The following WAC variants were observed in gnomAD, a reference collection of about 807,000 sequenced individuals.
WAC encodes WW domain containing adaptor with coiled-coil, also known as WW domain-containing adapter protein with coiled-coil.
WAC carries 11 observed loss-of-function variants against 79.6 expected under a neutral mutation model. That is an observed-to-expected ratio of 0.14 (90% CI 0.09 to 0.23). The LOEUF (loss-of-function observed/expected upper bound fraction) is 0.23, where lower values mean the gene tolerates loss of function less well. Among genes scored for constraint, WAC ranks in the 10% least tolerant of loss-of-function variants. WAC has a pLI of 1.00. For synonymous variants in WAC, 304 were observed against 276.9 expected (o/e 1.10, Z -0.97); for missense variants, 728 against 773.5 (o/e 0.94, Z 0.70).
At chr10:28,536,435 A>G (rs1836680034) in intron 3 of WAC, among the ~76,000 whole-genome samples, 1 of 152,196 alleles carries the variant, frequency 6.6e-6, no homozygotes, top group South Asian at 2.1e-4. Flanking sequence ...TAAGGTGTTC[A>G]AATCTGTTTT....
At chr10:28,574,407 C>G (rs1475986137) in intron 3 of WAC, among the ~76,000 whole-genome samples, 2 of 152,036 alleles carry the variant, frequency 1.3e-5, no homozygotes, top group African/African-American at 2.4e-5. Flanking sequence ...CTTGGCTGCC[C>G]AAAGTGCTGA....
In WAC at chr10:28,564,402, A is replaced by G. The variant is rs1250706222; in HGVS notation, c.275-18997A>G. ...ATGCTGACTGAAGTCATAGAGATGG[A>G]AGAAGAGAAGACAGAGAAGGCCATG... On this transcript the variant is annotated intron_variant, in intron 3 of 13. Coordinates refer to ENST00000354911, the MANE Select transcript of WAC (RefSeq NM_016628.5). Among the ~76,000 whole-genome samples the G allele has an allele frequency of 3.3e-5, 5 of 152,352 alleles. No individual in the cohort carries two copies. The East Asian group carries it at 9.6e-4, about 29-fold the overall frequency.
At chr10:28,600,226 A>C (rs1840572742) in intron 7 of WAC, among the ~76,000 whole-genome samples, 1 of 129,228 alleles carries the variant, frequency 7.7e-6, no homozygotes, top group South Asian at 2.8e-4. Flanking sequence ...AAATAATCAC[A>C]TACTCACATG....
chr10:28,571,424 G>A (rs191970054), intron 3 of WAC, among the ~76,000 whole-genome samples: 143 of 152,188 alleles, frequency 9.4e-4, no homozygotes, highest in African/African-American at 3.3e-3. Flanking sequence ...CTGTTACATC[G>A]CAGGTACAGT....
chr10:28,604,358 C>G (rs1417381158), intron 7 of WAC, among the ~76,000 whole-genome samples: 6 of 151,702 alleles, frequency 4.0e-5, no homozygotes, highest in African/African-American at 1.5e-4. Context: ...AGAATGCTGT[C>G]ATTAACTGGC....
intron 3 of WAC, among the ~76,000 whole-genome samples, chr10:28,552,018 G>T (rs931115421): frequency 6.6e-6 from 1 of 152,024 alleles, no homozygotes; most frequent in African/African-American, 2.4e-5. Context: ...GTAGAGACAG[G>T]GTTTCGCTGG....
At chr10:28,574,757 T>A (rs1290034625) in intron 3 of WAC, among the ~76,000 whole-genome samples, 1 of 152,204 alleles carries the variant, frequency 6.6e-6, no homozygotes, top group Non-Finnish European at 1.5e-5. Context: ...AATAATGCAT[T>A]ATGAATATTC....
chr10:28,573,178 A>G (rs1172901512), intron 3 of WAC, among the ~76,000 whole-genome samples: 2 of 151,806 alleles, frequency 1.3e-5, no homozygotes, highest in East Asian at 1.9e-4. Context: ...ATCTCTCCCT[A>G]TATTTCCCTA....
At chr10:28,547,508 C>G (rs1209428742) in intron 3 of WAC, among the ~76,000 whole-genome samples, 1 of 151,082 alleles carries the variant, frequency 6.6e-6, no homozygotes, top group Non-Finnish European at 1.5e-5. Context: ...GCACTCCAGC[C>G]TGGGCAACAA....
At chr10:28,581,238 CTTT>C (rs71391053) in intron 3 of WAC, among the ~76,000 whole-genome samples, 4 of 66,118 alleles carry the variant, frequency 6.0e-5, no homozygotes, top group Non-Finnish European at 1.1e-4. Flanking sequence ...ATGAGCGATT[CTTT>C]TTTTTTTTTT....
intron 3 of WAC, among the ~76,000 whole-genome samples, chr10:28,549,569 T>C (rs1450644644): frequency 1.3e-5 from 2 of 152,208 alleles, no homozygotes; most frequent in Non-Finnish European, 2.9e-5. Flanking sequence ...TATTGCAATA[T>C]CTTGTTTACA....
intron 4 of WAC, among the ~76,000 whole-genome samples, chr10:28,586,254 T>A (rs986820416): frequency 3.3e-5 from 5 of 152,186 alleles, no homozygotes; most frequent in Admixed American, 3.3e-4. Context: ...AGTATCAGAT[T>A]AAGGCGTTAA....
chr10:28,622,207 A>G lies in WAC; in HGVS notation c.*2601A>G, dbSNP rs1195830890. 1 of 152,134 alleles carries G rather than the reference A, an allele frequency of 6.6e-6. No homozygotes were observed. The highest frequency in any genetic ancestry group is 2.4e-5 in the African/African-American group (1 of 41,418). The allele number at this position is 152,134 out of a possible 1,614,324, so 9.4% of individuals were successfully genotyped here. A position where few individuals can be genotyped will look rare whatever the true frequency, so the allele number is the denominator to read the frequency against. On this transcript the variant is annotated 3_prime_UTR_variant, in exon 14 of 14. Transcript: ENST00000354911. ...TGAATTTTTAAACACAGAAAATCTA[A>G]AATTTTGTGGAAATATTTTAAATAT...
intron 6 of WAC, among the ~76,000 whole-genome samples, chr10:28,593,480 A>C (rs1350934565): frequency 6.6e-6 from 1 of 152,138 alleles, no homozygotes; most frequent in Non-Finnish European, 1.5e-5. Context: ...AAAATATTTT[A>C]ACAAAGGCCA....
At chr10:28,601,790 G>A (rs1352685018) in intron 7 of WAC, among the ~76,000 whole-genome samples, 2 of 152,120 alleles carry the variant, frequency 1.3e-5, no homozygotes, top group Non-Finnish European at 2.9e-5. Context: ...AATAAGCCAG[G>A]AGCAGGACAC....
chr10:28,619,738 G>T lies in WAC; in HGVS notation c.*132G>T. On this transcript the variant is annotated 3_prime_UTR_variant, in exon 14 of 14. Coordinates refer to ENST00000354911, the MANE Select transcript of WAC (RefSeq NM_016628.5). Reference sequence around the variant, plus strand: ...GCAAAGGAAATGACAAGGGGACGGGGTCTGTGAGAGTCAATTCAGGGGAAA... The same window carrying T: ...GCAAAGGAAATGACAAGGGGACGGGTTCTGTGAGAGTCAATTCAGGGGAAA... 1.7e-6 allele frequency: 1 copy of T among 603,030 alleles called. No homozygotes were observed. Among genetic ancestry groups the T allele is most frequent in the Non-Finnish European group, 2.8e-6 (1 of 360,970 alleles). The allele number at this position is 603,030 out of a possible 1,614,324, so 37.4% of individuals were successfully genotyped here.
Position 28,616,247 on chromosome 10 carries a change from C to T in WAC, c.1631C>T (p.Pro544Leu). 6.2e-7 allele frequency: 1 copy of T among 1,613,934 alleles called. No individual in the cohort carries two copies. Among genetic ancestry groups the T allele is most frequent in the East Asian group, 2.2e-5 (1 of 44,866 alleles). ...SSNASNATVV[P>L]QNSSARSTCS... ...AATGCATCAAATGCAACAGTTGTAC[C>T]ACAGAATTCTTCTGCCCGATCCACG... Residue 544 changes from proline (P) to leucine (L), a missense_variant, in exon 12 of 14, where the codon CCA (proline) becomes CTA (leucine). Pro to Leu is a moderately conservative substitution (Grantham distance 98). Transcript: ENST00000354911.
At chr10:28,597,656 AC>A (rs1419625689) in intron 7 of WAC, among the ~76,000 whole-genome samples, 2 of 152,174 alleles carry the variant, frequency 1.3e-5, no homozygotes, top group Middle Eastern at 3.2e-3. Flanking sequence ...GTTCAGACTT[AC>A]GTATCTACTT....
Position 28,579,685 on chromosome 10 carries a change from ACAAT to A in WAC, c.275-3711_275-3708del, listed in dbSNP as rs139465173. Among the ~76,000 whole-genome samples, 1,018 of 152,302 alleles carry A rather than the reference ACAAT, an allele frequency of 6.7e-3. 10 individuals carry two copies. The highest frequency in any genetic ancestry group is 0.024 in the African/African-American group (984 of 41,578). On this transcript the variant is annotated intron_variant, in intron 3 of 13. Coordinates refer to ENST00000354911, the MANE Select transcript of WAC (RefSeq NM_016628.5). Reference sequence around the variant, plus strand: ...TACCCCAGCCTTGGGAAGGATGTGCACAATCAGTTTGTTCTTCTACTTGTGTATT... The same window carrying A: ...TACCCCAGCCTTGGGAAGGATGTGCACAGTTTGTTCTTCTACTTGTGTATT...
Sources: gnomAD v4.1 joint callset for allele counts (sites outside exome capture counted in the v4.1 genomes callset) on GRCh38, gnomAD v4.1.1 for gene constraint, MANE v1.5 for transcripts, NCBI Gene and HGNC (gene_info 2026-07-23, HGNC 2026-07-21) for gene names.